CDH23: variants seen among roughly 807,000 people sequenced by gnomAD.
CDH23 encodes the protein cadherin related 23.
In CDH23, 189 loss-of-function variants were observed where a neutral mutation model predicts 317.1. That is an observed-to-expected ratio of 0.60 (90% confidence interval 0.53 to 0.67). The LOEUF (loss-of-function observed/expected upper bound fraction) is 0.67, where lower values mean the gene tolerates loss of function less well. CDH23 is among the 30% of genes least tolerant of loss of function. The pLI is 0.00. For synonymous variants in CDH23, 1,839 were observed against 1,876.8 expected (o/e 0.98, Z 0.52); for missense variants, 4,401 against 4,592.4 (o/e 0.96, Z 1.20).
rs1840892582 is a variant in CDH23 at position 71,779,269 on chromosome 10, G to GC, written c.5191dup (p.Leu1731ProfsTer6). 6 of 1,613,982 alleles carry GC rather than the reference G, an allele frequency of 3.7e-6. No individual in the cohort carries two copies. Among genetic ancestry groups the GC allele is most frequent in the Non-Finnish European group, 5.1e-6 (6 of 1,179,882 alleles). On this transcript the variant is annotated frameshift_variant, in exon 41 of 70. Coordinates refer to ENST00000224721, the MANE Select transcript of CDH23 (RefSeq NM_022124.6). LOFTEE classifies it high-confidence loss of function. ...GCTAAGCTTTTCCACCATCTCAGGT[G>GC]CTTGTGAATGTGAATGACATCAACG... is the stretch of plus-strand genomic sequence containing the variant.
At position 71,605,943 on chromosome 10, in the gene CDH23, T is replaced by C. The variant is rs141102277; in HGVS notation, c.833-9561T>C. On this transcript the variant is annotated intron_variant, in intron 9 of 69. Transcript: ENST00000224721. ...TTATTTCAGCCATAGTCCCTGGTGA[T>C]GTCTTTCTGGTCCCCATCAAAACAT... 1.2e-3 allele frequency among the ~76,000 whole-genome samples: 185 copies of C among 152,350 alleles called. No individual in the cohort carries two copies. In the East Asian group the frequency reaches 0.018, roughly 15 times the overall value.
In CDH23 at chr10:71,730,457, C is replaced by T. The variant is rs73275848; in HGVS notation, c.3580-12C>T. ...CCACCCTGACCTTGCACCCCTGGCC[C>T]GGCTCCCACAGGTGATTGTGTACGT... On this transcript the variant is annotated splice_polypyrimidine_tract_variant and intron_variant, in intron 30 of 69. Coordinates refer to ENST00000224721, the MANE Select transcript of CDH23 (RefSeq NM_022124.6). 14,905 of 1,612,894 alleles carry T rather than the reference C, an allele frequency of 9.2e-3. 1,205 individuals are homozygous for T. In the African/African-American group the frequency reaches 0.17, roughly 19 times the overall value.
chr10:71,507,087 G>A (rs950180672), intron 3 of CDH23, among the ~76,000 whole-genome samples: 12 of 152,174 alleles, frequency 7.9e-5, no homozygotes, highest in African/African-American at 2.7e-4. Context: ...AATCCTCTTG[G>A]CCAGCTGGGA....
At chr10:71,415,706 T>A (rs1217500497) in intron 1 of CDH23, among the ~76,000 whole-genome samples, 2 of 152,326 alleles carry the variant, frequency 1.3e-5, no homozygotes, top group Non-Finnish European at 2.9e-5. Context: ...ATTTTTATTG[T>A]TGTGAGGTTC....
chr10:71,725,500 C>T lies in CDH23; in HGVS notation c.3559C>T (p.Pro1187Ser). Reference sequence around the variant, plus strand: ...GGAGGCCTACAACCACGACCTGGGCCCCATGCGGAGCTCCGTCAGGGTGAG... The same window carrying T: ...GGAGGCCTACAACCACGACCTGGGCTCCATGCGGAGCTCCGTCAGGGTGAG... Reference protein sequence around the residue: ...IVEAYNHDLGPMRSSVRVIVY... With the variant: ...IVEAYNHDLGSMRSSVRVIVY... The change falls in exon 30 of 70, where the codon CCC becomes TCC. Residue 1187 changes from proline to serine, a missense_variant. Pro to Ser is a moderately conservative substitution (Grantham distance 74, BLOSUM62 -1). This residue lies in a region of CDH23 where 3,068 missense variants were observed against 3,203.3 expected (regional missense o/e 0.96). Transcript: ENST00000224721. 9 of 1,613,590 alleles carry T rather than the reference C, an allele frequency of 5.6e-6. No individual in the cohort carries two copies. The highest frequency in any genetic ancestry group is 7.6e-6 in the Non-Finnish European group (9 of 1,179,742).
In CDH23 at chr10:71,809,982, AC is replaced by A; in HGVS notation, c.8886del (p.Asn2962LysfsTer41). ...RDDQRVKIVI[N>X]EIPDRVRGFE... Reference sequence around the variant, plus strand: ...GACCAGCGCGTCAAGATCGTCATTAACGAGATCCCCGACCGTGTGCGCGGCT... The same window carrying A: ...GACCAGCGCGTCAAGATCGTCATTAAGAGATCCCCGACCGTGTGCGCGGCT... On this transcript the variant is annotated frameshift_variant, in exon 61 of 70. Coordinates refer to ENST00000224721, the MANE Select transcript of CDH23 (RefSeq NM_022124.6). LOFTEE classifies it high-confidence loss of function. The A allele has an allele frequency of 6.2e-7, 1 of 1,612,154 alleles. No homozygotes were observed. The highest frequency in any genetic ancestry group is 8.5e-7 in the Non-Finnish European group (1 of 1,179,862).
In CDH23 at chr10:71,687,708, A is replaced by T; in HGVS notation, c.2048A>T (p.Asn683Ile). The T allele has an allele frequency of 6.2e-7, 1 of 1,613,692 alleles. No individual in the cohort carries two copies. Among genetic ancestry groups the T allele is most frequent in the Non-Finnish European group, 8.5e-7 (1 of 1,179,778 alleles). The change falls in exon 19 of 70, where the codon AAC (asparagine) becomes ATC (isoleucine). Residue 683 changes from asparagine (N) to isoleucine (I), a missense_variant. Asn to Ile is a moderately radical substitution (Grantham distance 149). This residue lies in a region of CDH23 where 3,068 missense variants were observed against 3,203.3 expected (regional missense o/e 0.96). Coordinates refer to ENST00000224721, the MANE Select transcript of CDH23 (RefSeq NM_022124.6). Reference protein sequence around the residue: ...KPAYFVSVVENIMAGATVLFL... With the variant: ...KPAYFVSVVEIIMAGATVLFL... ...GCCTACTTCGTCTCCGTGGTGGAGA[A>T]CATCATGGCAGGTACAGGCTCAGGT...
At chr10:71,484,960 A>G (rs1852263493) in intron 3 of CDH23, among the ~76,000 whole-genome samples, 1 of 151,222 alleles carries the variant, frequency 6.6e-6, no homozygotes, top group African/African-American at 2.4e-5. Context: ...GTTACAGAAA[A>G]TTGGCTGGCA....
Position 71,646,693 on chromosome 10 carries a change from C to A in CDH23, c.1449+76C>A, listed in dbSNP as rs41281304. ...GGTGAGGCACCCAGAGGGATTTTGTCCAAGGGACCTCAGCAATCAGGGAAG... is the reference window on the plus strand; with the variant it reads ...GGTGAGGCACCCAGAGGGATTTTGTACAAGGGACCTCAGCAATCAGGGAAG... On this transcript the variant is annotated intron_variant, in intron 14 of 69. Coordinates refer to ENST00000224721, the MANE Select transcript of CDH23 (RefSeq NM_022124.6). The A allele has an allele frequency of 6.7e-3, 10,755 of 1,613,580 alleles. 53 individuals are homozygous for A. Among genetic ancestry groups the A allele is most frequent in the Non-Finnish European group, 8.3e-3 (9,766 of 1,179,618 alleles).
At chr10:71,731,243 A>G (rs960387732) in intron 31 of CDH23, among the ~76,000 whole-genome samples, 1 of 152,042 alleles carries the variant, frequency 6.6e-6, no homozygotes, top group African/African-American at 2.4e-5. Context: ...TTTTCTGGAG[A>G]CCCACTGTCC....
At chr10:71,429,658 G>A (rs1318492875) in intron 1 of CDH23, among the ~76,000 whole-genome samples, 16 of 152,162 alleles carry the variant, frequency 1.1e-4, no homozygotes, top group Admixed American at 8.5e-4. Context: ...GAAGATGTTC[G>A]TTAACTGAAT....
chr10:71,510,283 G>A lies in CDH23; in HGVS notation c.288+59G>A. The A allele has an allele frequency of 5.7e-6, 9 of 1,575,928 alleles. No homozygotes were observed. The Admixed American group carries it at 8.6e-5, about 15-fold the overall frequency. ...TCCTGGGGACAGGAGGAGACACTGG[G>A]GGAAGGACGGCCCGCCATCTTTTGG... On this transcript the variant is annotated intron_variant, in intron 4 of 69. Transcript: ENST00000224721.
At chr10:71,646,879 CGA>C in intron 14 of CDH23, 3 of 1,433,242 alleles carry the variant, frequency 2.1e-6, no homozygotes, top group Non-Finnish European at 2.7e-6. Context: ...TGCCTTTCCC[CGA>C]GAGAGACTCA....
rs187648955 is a variant in CDH23, at chr10:71,503,353, G to A, written c.146-6729G>A. On this transcript the variant is annotated intron_variant, in intron 3 of 69. Transcript: ENST00000224721. Reference sequence around the variant, plus strand: ...GTGCTACTGATTTGGGTGTTATTAGGTTTTGATCAGCTATCCTTTCCCCTG... The same window carrying A: ...GTGCTACTGATTTGGGTGTTATTAGATTTTGATCAGCTATCCTTTCCCCTG... Among the ~76,000 whole-genome samples, 398 of 152,348 alleles carry A rather than the reference G, an allele frequency of 2.6e-3. 1 individual carries two copies. The highest frequency in any genetic ancestry group is 4.3e-3 in the Non-Finnish European group (294 of 68,034).
At chr10:71,809,633 C>G (rs1841853108) in intron 60 of CDH23, among the ~76,000 whole-genome samples, 187 bp from the exon 61 acceptor site, 1 of 152,194 alleles carries the variant, frequency 6.6e-6, no homozygotes, top group Non-Finnish European at 1.5e-5. Context: ...CCGGCTGAGA[C>G]CCGAGCCATT....
chr10:71,451,986 A>T (rs530155901), intron 3 of CDH23, among the ~76,000 whole-genome samples: 1 of 152,264 alleles, frequency 6.6e-6, no homozygotes, highest in East Asian at 1.9e-4. Context: ...GGCGATGGGG[A>T]TGGCTGCCCA....
At position 71,547,068 on chromosome 10, in the gene CDH23, C is replaced by T. The variant is rs116212992; in HGVS notation, c.430-19674C>T. The stretch of plus-strand genomic sequence containing the variant: ...GGCACTGGGCCGGGCCCTGGGGACA[C>T]AGTGGAGAGCAGACTTGGGCATGGA... On this transcript the variant is annotated intron_variant, in intron 6 of 69. Transcript: ENST00000224721. Among the ~76,000 whole-genome samples, 681 of 152,302 alleles carry T rather than the reference C, an allele frequency of 4.5e-3. 3 individuals carry two copies. Among genetic ancestry groups the T allele is most frequent in the African/African-American group, 0.016 (657 of 41,554 alleles).
chr10:71,702,350 G>A (rs1865622409), intron 23 of CDH23, 139 bp downstream of exon 23: 2 of 1,149,588 alleles, frequency 1.7e-6, no homozygotes, highest in African/African-American at 3.1e-5. Flanking sequence ...CCACGCCCCA[G>A]TTGTGACTCC....
intron 14 of CDH23, among the ~76,000 whole-genome samples, chr10:71,670,929 T>C (rs1257215894): frequency 6.6e-6 from 1 of 150,452 alleles, no homozygotes; most frequent in Admixed American, 6.6e-5. Context: ...GGAGCACAGT[T>C]GAGGTGCTCA....
Sources: gnomAD v4.1 joint callset for allele counts (sites outside exome capture counted in the v4.1 genomes callset) on GRCh38, gnomAD v4.1.1 for gene constraint, gnomAD v4.1.1 regional missense constraint, MANE v1.5 for transcripts, NCBI Gene and HGNC (gene_info 2026-07-23, HGNC 2026-07-21) for gene names.